Variants in MRPS28 observed in about 807,000 individuals in gnomAD.
MRPS28 encodes the protein small ribosomal subunit protein bS1m.
Under a neutral mutation model 10.8 loss-of-function variants are expected in MRPS28, and 7 were observed. The ratio of observed to expected loss-of-function variants is 0.65; its 90% CI spans 0.37 to 1.22. The LOEUF (loss-of-function observed/expected upper bound fraction) is 1.22. Ranked by LOEUF, MRPS28 falls within the 50% of genes most tolerant of loss-of-function variation. MRPS28 has a pLI of 0.02. For synonymous variants in MRPS28, 121 were observed against 93.3 expected, an observed-to-expected ratio of 1.30 and a Z score of -1.71; for missense variants, 265 against 232.9, an observed-to-expected ratio of 1.14 and a Z score of -0.90.
chr8:79,978,406 G>A (rs1207307563), intron 2 of MRPS28, among the ~76,000 whole-genome samples: 3 of 152,028 alleles, frequency 2.0e-5, no homozygotes, highest in Admixed American at 6.6e-5. Context: ...GAATCTGTCC[G>A]AAGTGACAGA....
chr8:80,006,023 CATA>C (rs1386252328), intron 1 of MRPS28, among the ~76,000 whole-genome samples: 18 of 152,274 alleles, frequency 1.2e-4, no homozygotes, highest in South Asian at 8.3e-4. Flanking sequence ...TAGACTCCCA[CATA>C]ATAATAATGG....
At position 79,939,863 on chromosome 8, in the gene MRPS28, G is replaced by A. The variant is rs1419159464; in HGVS notation, c.396-20715C>T. Among the ~76,000 whole-genome samples the A allele has an allele frequency of 2.6e-5, 4 of 152,076 alleles. No homozygotes were observed. In the East Asian group the frequency reaches 5.8e-4, roughly 22 times the overall value. On this transcript the variant is annotated intron_variant, in intron 2 of 2. Coordinates refer to ENST00000276585, the MANE Select transcript of MRPS28 (RefSeq NM_014018.3). Reference sequence around the variant, plus strand: ...CGGGCGCCTGTAGTCCCAGCTACTCGGGAGGCTGAGGCAGGAGAATGGCGT... The same window carrying A: ...CGGGCGCCTGTAGTCCCAGCTACTCAGGAGGCTGAGGCAGGAGAATGGCGT...
rs146579770 is a variant in MRPS28 at position 79,997,942 on chromosome 8, C to G, written c.395+5057G>C. Among the ~76,000 whole-genome samples, 1,307 of 151,952 alleles carry G rather than the reference C, an allele frequency of 8.6e-3. 25 individuals are homozygous for G. The highest frequency in any genetic ancestry group is 0.03 in the African/African-American group (1,246 of 41,414). On this transcript the variant is annotated intron_variant, in intron 2 of 2. Transcript: ENST00000276585. ...TGGTGGCACATGCCTGTAATCCCAG[C>G]TACTCAGGAGGCTGAGGCACAAGAA...
rs1429447589 is a variant in MRPS28 at position 79,985,907 on chromosome 8, T to C, written c.395+17092A>G. Among the ~76,000 whole-genome samples, 4 of 152,044 alleles carry C rather than the reference T, an allele frequency of 2.6e-5. No individual in the cohort carries two copies. The East Asian group carries it at 5.8e-4, about 22-fold the overall frequency. ...TTCCAATCAATAGAAAAAGAGGGAA[T>C]CCTCCCTAACTCATTTTATGAGGCC... On this transcript the variant is annotated intron_variant, in intron 2 of 2. Coordinates refer to ENST00000276585, the MANE Select transcript of MRPS28 (RefSeq NM_014018.3).
intron 2 of MRPS28, among the ~76,000 whole-genome samples, chr8:79,991,458 A>T (rs1808359685): frequency 6.6e-6 from 1 of 152,246 alleles, no homozygotes; most frequent in East Asian, 1.9e-4. Flanking sequence ...AGCTGCTAGC[A>T]GTTGACTCAA....
chr8:80,006,767 A>C (rs558026161), intron 1 of MRPS28, among the ~76,000 whole-genome samples: 2 of 152,220 alleles, frequency 1.3e-5, no homozygotes, highest in African/African-American at 4.8e-5. Context: ...TCTGAAATTG[A>C]GGCAATAATT....
intron 1 of MRPS28, among the ~76,000 whole-genome samples, chr8:80,006,680 A>G (rs1180852061): frequency 6.6e-6 from 1 of 152,272 alleles, no homozygotes; most frequent in African/African-American, 2.4e-5. Context: ...GAAGAAATGG[A>G]TAAATTCCTC....
chr8:79,971,768 G>C (rs1238305442), intron 2 of MRPS28, among the ~76,000 whole-genome samples: 2 of 152,136 alleles, frequency 1.3e-5, no homozygotes, highest in Non-Finnish European at 2.9e-5. Flanking sequence ...TGCGATCTCA[G>C]CTCACTGAAA....
chr8:79,983,141 G>A (rs540901224), intron 2 of MRPS28, among the ~76,000 whole-genome samples: 1 of 152,076 alleles, frequency 6.6e-6, no homozygotes, highest in Non-Finnish European at 1.5e-5. Flanking sequence ...TGCAGCCACC[G>A]CTGCTGGTAC....
chr8:79,949,824 G>A (rs1381324542), intron 2 of MRPS28, among the ~76,000 whole-genome samples: 1 of 152,094 alleles, frequency 6.6e-6, no homozygotes, highest in East Asian at 1.9e-4. Context: ...ATAAAATATT[G>A]GATATGATTA....
chr8:79,927,088 T>A (rs1810250818), intron 2 of MRPS28, among the ~76,000 whole-genome samples: 1 of 152,220 alleles, frequency 6.6e-6, no homozygotes, highest in African/African-American at 2.4e-5. Context: ...ATGTAGAAGG[T>A]CAAAGTTAGA....
At chr8:79,947,975 ATTTTTCTT>A (rs1806969274) in intron 2 of MRPS28, among the ~76,000 whole-genome samples, 3 of 140,584 alleles carry the variant, frequency 2.1e-5, no homozygotes, top group South Asian at 4.4e-4. Context: ...ATAGTGTTAA[ATTTTTCTT>A]TTTTTCTTCT....
At chr8:79,955,526 C>G (rs1348546654) in intron 2 of MRPS28, among the ~76,000 whole-genome samples, 1 of 152,072 alleles carries the variant, frequency 6.6e-6, no homozygotes, top group East Asian at 1.9e-4. Flanking sequence ...AACATTAAAG[C>G]CTGTGCTGAC....
At chr8:79,968,326 C>T (rs1237179527) in intron 2 of MRPS28, among the ~76,000 whole-genome samples, 2 of 152,044 alleles carry the variant, frequency 1.3e-5, no homozygotes, top group African/African-American at 4.8e-5. Context: ...AGCAGAGGTC[C>T]CAAACATAAG....
chr8:80,026,477 G>T (rs1239013640), intron 1 of MRPS28, among the ~76,000 whole-genome samples: 1 of 152,128 alleles, frequency 6.6e-6, no homozygotes, highest in Admixed American at 6.5e-5. Context: ...TCAACGACAG[G>T]CCAGGTATAA....
intron 2 of MRPS28, among the ~76,000 whole-genome samples, chr8:79,948,056 C>T (rs1170446406): frequency 2.0e-5 from 3 of 150,088 alleles, no homozygotes; most frequent in African/African-American, 4.9e-5. Flanking sequence ...GGCGCAATCT[C>T]GGCTCACTGC....
At chr8:79,988,279 G>A in intron 2 of MRPS28, among the ~76,000 whole-genome samples, 1 of 111,840 alleles carries the variant, frequency 8.9e-6, no homozygotes, top group South Asian at 3.8e-4. Context: ...TCGTGGGGTG[G>A]GGGGAGGGGG....
intron 2 of MRPS28, among the ~76,000 whole-genome samples, chr8:79,994,308 C>A (rs1356167648): frequency 6.6e-6 from 1 of 152,098 alleles, no homozygotes; most frequent in East Asian, 1.9e-4. Flanking sequence ...ATGTTCCTGA[C>A]TAACACTAAT....
At chr8:80,010,337 T>C (rs1283833799) in intron 1 of MRPS28, among the ~76,000 whole-genome samples, 1 of 152,214 alleles carries the variant, frequency 6.6e-6, no homozygotes, top group African/African-American at 2.4e-5. Context: ...GTTTTACATT[T>C]GTTATTCGGG....
Sources: allele counts gnomAD v4.1 joint callset (sites outside exome capture counted in the v4.1 genomes callset), GRCh38; gene constraint gnomAD v4.1.1; transcripts MANE v1.5; gene names NCBI Gene and HGNC (gene_info 2026-07-23, HGNC 2026-07-21).